Variants in UTRN observed in about 807,000 individuals in gnomAD.
UTRN encodes dystrophin-related protein 1.
A neutral mutation model predicts 463.9 loss-of-function variants in UTRN; 283 were observed. The observed-to-expected ratio is 0.61, with a 90% CI of 0.55 to 0.67. The LOEUF is 0.67. Ranked by LOEUF, UTRN falls within the 30% of genes least tolerant of loss-of-function variation. The probability of loss-of-function intolerance (pLI) is 0.00; values close to 1 mark genes in which losing one functional copy is unlikely to be tolerated. For synonymous variants in UTRN, 1,442 were observed against 1,431.5 expected, an observed-to-expected ratio of 1.01 and a Z score of -0.17; for missense variants, 3,922 against 4,084.3, an observed-to-expected ratio of 0.96 and a Z score of 1.08.
chr6:144,389,494 T>TA (rs920362580), intron 2 of UTRN, among the ~76,000 whole-genome samples: 2 of 152,226 alleles, frequency 1.3e-5, no homozygotes, highest in African/African-American at 2.4e-5. Flanking sequence ...TTTCTGTGCT[T>TA]AAAAAAATTT....
At chr6:144,779,874 C>T (rs1009703192) in intron 60 of UTRN, among the ~76,000 whole-genome samples, 8 of 151,506 alleles carry the variant, frequency 5.3e-5, no homozygotes, top group African/African-American at 1.7e-4. Flanking sequence ...TTAAGTTTAC[C>T]AATGATACAT....
At chr6:144,542,958 C>G in intron 46 of UTRN, 88 bp downstream of exon 46, 1 of 1,089,102 alleles carries the variant, frequency 9.2e-7, no homozygotes, top group Middle Eastern at 2.5e-4. Flanking sequence ...ATTAGAAAGA[C>G]TTAGAAACGT....
At chr6:144,792,283 C>T (rs1317562827) in intron 62 of UTRN, among the ~76,000 whole-genome samples, 1 of 152,150 alleles carries the variant, frequency 6.6e-6, no homozygotes, top group African/African-American at 2.4e-5. Context: ...CGGTGGCTCA[C>T]ACCTGTAATC....
intron 57 of UTRN, among the ~76,000 whole-genome samples, chr6:144,757,192 G>A (rs1373241109): frequency 3.5e-5 from 5 of 144,870 alleles, no homozygotes; most frequent in African/African-American, 1.3e-4. Flanking sequence ...ATTGGTTAAT[G>A]TAGGAATAAT....
chr6:144,525,072 T>C (rs1796446782), intron 41 of UTRN, among the ~76,000 whole-genome samples: 1 of 152,224 alleles, frequency 6.6e-6, no homozygotes, highest in African/African-American at 2.4e-5. Flanking sequence ...GTCTTTTTGA[T>C]ATACTATTGG....
intron 51 of UTRN, among the ~76,000 whole-genome samples, chr6:144,614,949 T>C (rs6926495): frequency 0.038 from 5,754 of 152,154 alleles, 376 homozygotes; most frequent in African/African-American, 0.13. Context: ...CCCTCAACAT[T>C]TCAAAGGCAC....
rs1223446809 is a variant in UTRN, at chr6:144,372,872, C to G, written c.80-30251C>G. ...AATGAGCAAAGGAATAGATATTTCT[C>G]CAGAAAAGATAAACAATTGGCTAAT... is the stretch of plus-strand genomic sequence containing the variant. On this transcript the variant is annotated intron_variant, in intron 2 of 74. Coordinates refer to ENST00000367545, the MANE Select transcript of UTRN (RefSeq NM_007124.3). 7.2e-5 allele frequency among the ~76,000 whole-genome samples: 11 copies of G among 152,146 alleles called. No individual in the cohort carries two copies. In the East Asian group the frequency reaches 1.2e-3, roughly 16 times the overall value.
chr6:144,658,519 T>C (rs756469895), intron 51 of UTRN, among the ~76,000 whole-genome samples: 6 of 151,120 alleles, frequency 4.0e-5, no homozygotes, highest in Non-Finnish European at 8.9e-5. Flanking sequence ...CTTTAGGAGA[T>C]GCATATTCTG....
At position 144,768,968 on chromosome 6, in the gene UTRN, T is replaced by G. The variant is rs9403601; in HGVS notation, c.8496-2939T>G. ...TTTTTGTTTTGTTTTGTTTTTTTTTTTTTAATTTTATTCTTGGATAGATTC... is the reference window on the plus strand; with the variant it reads ...TTTTTGTTTTGTTTTGTTTTTTTTTGTTTAATTTTATTCTTGGATAGATTC... On this transcript the variant is annotated intron_variant, in intron 58 of 74. Coordinates refer to ENST00000367545, the MANE Select transcript of UTRN (RefSeq NM_007124.3). 1.7e-3 allele frequency among the ~76,000 whole-genome samples: 261 copies of G among 151,254 alleles called. 6 individuals carry two copies. The East Asian group carries it at 0.042, about 24-fold the overall frequency.
chr6:144,294,627 G>T (rs932118130), intron 2 of UTRN, among the ~76,000 whole-genome samples: 2 of 151,980 alleles, frequency 1.3e-5, no homozygotes, highest in African/African-American at 4.8e-5. Context: ...TGGGGGGACG[G>T]AGAGTGTGGT....
intron 43 of UTRN, 31 bp from the exon 44 acceptor site, chr6:144,537,551 C>T: frequency 6.9e-7 from 1 of 1,457,374 alleles, no homozygotes; most frequent in Admixed American, 2.6e-5. Flanking sequence ...ACAGTTTTTC[C>T]TCAATATTTT....
intron 3 of UTRN, among the ~76,000 whole-genome samples, chr6:144,411,570 G>T (rs954398771): frequency 6.6e-6 from 1 of 152,066 alleles, no homozygotes; most frequent in Non-Finnish European, 1.5e-5. Flanking sequence ...CAAAATCGAG[G>T]TAAACATTCT....
intron 69 of UTRN, among the ~76,000 whole-genome samples, chr6:144,833,080 A>AAAGT (rs1267222119): frequency 6.6e-6 from 1 of 152,164 alleles, no homozygotes; most frequent in Non-Finnish European, 1.5e-5. Flanking sequence ...TCGACCTCCC[A>AAAGT]AAGTGCTGGG....
At chr6:144,524,667 C>T (rs985822556) in intron 41 of UTRN, among the ~76,000 whole-genome samples, 2 of 151,994 alleles carry the variant, frequency 1.3e-5, no homozygotes, top group East Asian at 1.9e-4. Context: ...TTAACCAATT[C>T]GGATGCCCTT....
intron 65 of UTRN, among the ~76,000 whole-genome samples, chr6:144,818,747 A>G (rs1318203061): frequency 2.6e-5 from 4 of 152,166 alleles, no homozygotes; most frequent in Non-Finnish European, 5.9e-5. Context: ...GCATATCTCT[A>G]CACTAAATTA....
intron 34 of UTRN, among the ~76,000 whole-genome samples, chr6:144,500,174 C>T (rs1347081756): frequency 6.6e-6 from 1 of 152,162 alleles, no homozygotes; most frequent in African/African-American, 2.4e-5. Context: ...GTTTGAAGTT[C>T]TTTGAGAAAT....
At chr6:144,453,982 T>C (rs1788575475) in intron 19 of UTRN, 113 bp downstream of exon 19, 2 of 795,774 alleles carry the variant, frequency 2.5e-6, no homozygotes, top group Admixed American at 3.1e-5. Flanking sequence ...TTTGGCTAGA[T>C]AAATGGTTTT....
At chr6:144,584,553 C>T (rs1802277396) in intron 51 of UTRN, among the ~76,000 whole-genome samples, 1 of 152,014 alleles carries the variant, frequency 6.6e-6, no homozygotes, top group South Asian at 2.1e-4. Flanking sequence ...ATGGCATGTC[C>T]AGGCATCTAG....
At chr6:144,586,287 C>T (rs887786322) in intron 51 of UTRN, among the ~76,000 whole-genome samples, 4 of 151,978 alleles carry the variant, frequency 2.6e-5, no homozygotes, top group Non-Finnish European at 5.9e-5. Flanking sequence ...TACACATTCA[C>T]GTGTATTTTT....
Sources: gnomAD v4.1 joint callset for allele counts (sites outside exome capture counted in the v4.1 genomes callset) on GRCh38, gnomAD v4.1.1 for gene constraint, MANE v1.5 for transcripts, NCBI Gene and HGNC (gene_info 2026-07-23, HGNC 2026-07-21) for gene names.